Variants in ZBTB16 observed in about 807,000 individuals in gnomAD.
ZBTB16 encodes the protein zinc finger and BTB domain containing 16, also known as zinc finger and BTB domain-containing protein 16.
ZBTB16 carries 8 observed loss-of-function variants against 56.8 expected under a neutral mutation model. The ratio of observed to expected loss-of-function variants is 0.14; its 90% CI spans 0.08 to 0.25. The LOEUF is 0.25. Ranked by LOEUF, ZBTB16 falls within the 10% of genes least tolerant of loss-of-function variation. The pLI, the probability that ZBTB16 is intolerant of heterozygous loss-of-function variation, is 1.00. For synonymous variants in ZBTB16, 363 were observed against 368.5 expected, an observed-to-expected ratio of 0.98 and a Z score of 0.17; for missense variants, 625 against 903.0, an observed-to-expected ratio of 0.69 and a Z score of 3.95.
intron 2 of ZBTB16, among the ~76,000 whole-genome samples, chr11:114,070,094 CTTTTTTTTTTTT>C (rs4020465): frequency 2.6e-5 from 2 of 75,966 alleles, no homozygotes; most frequent in Non-Finnish European, 4.7e-5. Flanking sequence ...GAGTACCTTT[CTTTTTTTTTTTT>C]TTTTTTTTTT....
intron 2 of ZBTB16, among the ~76,000 whole-genome samples, chr11:114,094,762 A>G (rs915503107): frequency 7.9e-5 from 12 of 152,216 alleles, no homozygotes; most frequent in African/African-American, 2.7e-4. Flanking sequence ...TTGCCCCTCA[A>G]TCAGAGGCAG....
chr11:114,089,582 C>T (rs1056717621), intron 2 of ZBTB16, among the ~76,000 whole-genome samples: 4 of 152,202 alleles, frequency 2.6e-5, no homozygotes, highest in Non-Finnish European at 4.4e-5. Context: ...TCAGTCCTCT[C>T]CAGACTGCCT....
chr11:114,143,511 G>C lies in ZBTB16; in HGVS notation c.1269-12826G>C, dbSNP rs1942016528. On this transcript the variant is annotated intron_variant, in intron 2 of 6. Coordinates refer to ENST00000335953, the MANE Select transcript of ZBTB16 (RefSeq NM_006006.6). The surrounding 1 kb of genome is among the most constrained non-coding windows in gnomAD (Gnocchi z 6.4). Reference sequence around the variant, plus strand: ...TACTGACCCTCTTGCCTAGTGAAATGTCCTTTTGGAAGTATCAGGTTCCTG... The same window carrying C: ...TACTGACCCTCTTGCCTAGTGAAATCTCCTTTTGGAAGTATCAGGTTCCTG... 6.6e-6 allele frequency among the ~76,000 whole-genome samples: 1 copy of C among 152,288 alleles called. No homozygotes were observed. Among genetic ancestry groups the C allele is most frequent in the East Asian group, 1.9e-4 (1 of 5,186 alleles).
intron 2 of ZBTB16, among the ~76,000 whole-genome samples, chr11:114,140,403 G>C (rs1192327202): frequency 6.6e-6 from 1 of 152,170 alleles, no homozygotes; most frequent in African/African-American, 2.4e-5. Flanking sequence ...GGGTAGGTTG[G>C]TGTCTTATGC....
intron 2 of ZBTB16, among the ~76,000 whole-genome samples, chr11:114,093,350 T>C (rs892972853): frequency 6.6e-6 from 1 of 151,484 alleles, no homozygotes; most frequent in African/African-American, 2.4e-5. Flanking sequence ...AGGGGGGATG[T>C]TGCTGTTTCC....
chr11:114,083,237 A>AG (rs1232984916), intron 2 of ZBTB16, among the ~76,000 whole-genome samples: 1 of 152,256 alleles, frequency 6.6e-6, no homozygotes, highest in Non-Finnish European at 1.5e-5. Context: ...TTTTAAAAAA[A>AG]GAAGTTGAAA....
intron 3 of ZBTB16, among the ~76,000 whole-genome samples, chr11:114,183,531 C>A (rs1031334293): frequency 2.0e-5 from 3 of 152,246 alleles, no homozygotes; most frequent in Non-Finnish European, 2.9e-5. Context: ...CCCTTGGAAG[C>A]CTGTGGCATG....
At chr11:114,114,216 G>A (rs1050385779) in intron 2 of ZBTB16, among the ~76,000 whole-genome samples, 1 of 152,232 alleles carries the variant, frequency 6.6e-6, no homozygotes, top group Non-Finnish European at 1.5e-5. Context: ...CACAATGTTG[G>A]GGAGCAGTGA....
intron 2 of ZBTB16, among the ~76,000 whole-genome samples, chr11:114,147,093 T>C (rs1386512923): frequency 1.3e-5 from 2 of 152,252 alleles, no homozygotes; most frequent in Admixed American, 6.5e-5. Context: ...AGAATCCTCA[T>C]AGAAAAGTAA....
intron 2 of ZBTB16, among the ~76,000 whole-genome samples, chr11:114,095,819 T>A (rs1940384686): frequency 6.6e-6 from 1 of 152,216 alleles, no homozygotes; most frequent in Non-Finnish European, 1.5e-5. Flanking sequence ...GACCAGGCTC[T>A]GAGAATAATT....
intron 2 of ZBTB16, among the ~76,000 whole-genome samples, chr11:114,146,811 T>C (rs1171270688): frequency 6.9e-6 from 1 of 145,236 alleles, no homozygotes; most frequent in Non-Finnish European, 1.5e-5. Flanking sequence ...ATCACGCCAC[T>C]GCACTCCAGC....
chr11:114,213,954 G>T (rs1481230478), intron 4 of ZBTB16, among the ~76,000 whole-genome samples: 2 of 152,168 alleles, frequency 1.3e-5, no homozygotes, highest in Admixed American at 6.5e-5. Context: ...AAGTTGTAGA[G>T]CTTCCTGATG....
intron 4 of ZBTB16, among the ~76,000 whole-genome samples, chr11:114,191,520 GA>G: frequency 6.6e-6 from 1 of 152,134 alleles, no homozygotes; most frequent in South Asian, 2.1e-4. Context: ...ATGTAGCCTA[GA>G]AGCTACCCAC....
At chr11:114,102,104 T>C (rs1276040503) in intron 2 of ZBTB16, among the ~76,000 whole-genome samples, 1 of 152,158 alleles carries the variant, frequency 6.6e-6, no homozygotes, top group African/African-American at 2.4e-5. Context: ...ACATCGATGG[T>C]GGTTGGGACG....
At chr11:114,249,030 C>T (rs1944866690) in intron 6 of ZBTB16, among the ~76,000 whole-genome samples, 1 of 152,076 alleles carries the variant, frequency 6.6e-6, no homozygotes, top group African/African-American at 2.4e-5. Flanking sequence ...CTAGGGGACT[C>T]TATGGAAGGA....
intron 2 of ZBTB16, among the ~76,000 whole-genome samples, chr11:114,093,978 C>T (rs1193985291): frequency 6.6e-6 from 1 of 152,150 alleles, no homozygotes; most frequent in Non-Finnish European, 1.5e-5. Context: ...GACTTTGAGC[C>T]CCCTTCTGGT....
chr11:114,132,459 A>G (rs1018011303), intron 2 of ZBTB16, among the ~76,000 whole-genome samples: 2 of 152,194 alleles, frequency 1.3e-5, no homozygotes, highest in East Asian at 3.9e-4. Flanking sequence ...AGTAGGGACA[A>G]TGGTAGCACC....
At chr11:114,080,322 A>T (rs11602322) in intron 2 of ZBTB16, among the ~76,000 whole-genome samples, 55,770 of 151,822 alleles carry the variant, frequency 0.37, 10,613 homozygotes, top group Non-Finnish European at 0.41. Context: ...CATTGAACCA[A>T]CACTCGCCCA....
At chr11:114,164,629 G>C (rs893771697) in intron 3 of ZBTB16, among the ~76,000 whole-genome samples, 1 of 152,108 alleles carries the variant, frequency 6.6e-6, no homozygotes, top group African/African-American at 2.4e-5. Context: ...CCTTGGCTTC[G>C]CAGACACACA....
Sources: allele counts gnomAD v4.1 joint callset (sites outside exome capture counted in the v4.1 genomes callset), GRCh38; gene constraint gnomAD v4.1.1; non-coding constraint Gnocchi (gnomAD v3.1); transcripts MANE v1.5; gene names NCBI Gene and HGNC (gene_info 2026-07-23, HGNC 2026-07-21).